Variants in TP53BP1 observed in about 807,000 individuals in gnomAD.
The protein encoded by TP53BP1 is TP53-binding protein 1.
In TP53BP1, 61 loss-of-function variants were observed where a neutral mutation model predicts 200.8. That is an observed-to-expected ratio of 0.30 (90% CI 0.25 to 0.38). The LOEUF is 0.38. TP53BP1 is among the 10% of genes least tolerant of loss of function. The probability of loss-of-function intolerance (pLI) is 1.00; values close to 1 mark genes in which losing one functional copy is unlikely to be tolerated. For missense variants in TP53BP1, 2,144 were observed against 2,371.9 expected (o/e 0.90, Z 2.00); for synonymous variants, 822 against 844.3 (o/e 0.97, Z 0.46).
rs1453446696 is a variant in TP53BP1 at position 43,409,064 on chromosome 15, C to T, written c.5433G>A (p.Ala1811=). The change falls in exon 26 of 28, where the codon GCG becomes GCA. Residue 1811 remains alanine, a synonymous_variant. Transcript: ENST00000382044. ...ACTTCCGGGTTCGACAATGCTGATC[C>T]GCAATTAGAAGACACTGGTAAGCTG... ...CNTAYQCLLI[A]DQHCRTRKYF... 6.8e-6 allele frequency: 11 copies of T among 1,614,034 alleles called. No homozygotes were observed. The highest frequency in any genetic ancestry group is 1.3e-5 in the African/African-American group (1 of 74,898).
In TP53BP1 at chr15:43,413,301, C is replaced by A; in HGVS notation, c.5123G>T (p.Cys1708Phe). The A allele has an allele frequency of 6.2e-7, 1 of 1,614,146 alleles. No individual in the cohort carries two copies. Among genetic ancestry groups the A allele is most frequent in the Non-Finnish European group, 8.5e-7 (1 of 1,180,008 alleles). ...TTCACCGGTGTTGTCTCCACTCTCA[C>A]AGGGGCTCACAAACTCTCCTGCCCC... ...AVGAGEFVSP[C>F]ESGDNTGEPS... The change falls in exon 24 of 28, where the codon TGT becomes TTT. Residue 1708 changes from cysteine (C) to phenylalanine (F), a missense_variant. By Grantham distance (205) the Cys-to-Phe change is radical. Around this residue, in one of 4 missense-constraint regions of TP53BP1, gnomAD observed 334 missense variants for 453.4 expected, o/e 0.74. Coordinates refer to ENST00000382044, the MANE Select transcript of TP53BP1 (RefSeq NM_001141980.3).
At position 43,469,999 on chromosome 15, in the gene TP53BP1, A is replaced by G; in HGVS notation, c.1248T>C (p.Ser416=). The part of the protein sequence containing the change: ...GGEPFQKKLQ[S]GEPVELENPP... ...GGTTTTCTAACTCCACTGGTTCACC[A>G]CTTTGAAGTTTCTTCTGAAAAGGCT... Residue 416 remains serine (S), a synonymous_variant, in exon 11 of 28, where the codon AGT becomes AGC. Transcript: ENST00000382044. 6.2e-7 allele frequency: 1 copy of G among 1,613,802 alleles called. No homozygotes were observed. The highest frequency in any genetic ancestry group is 8.5e-7 in the Non-Finnish European group (1 of 1,180,000).
chr15:43,482,740 C>G (rs1301113021), intron 4 of TP53BP1, among the ~76,000 whole-genome samples: 1 of 152,088 alleles, frequency 6.6e-6, no homozygotes, highest in Non-Finnish European at 1.5e-5. Flanking sequence ...TGCACTCCAG[C>G]CTGGGAGACA....
chr15:43,491,729 T>A lies in TP53BP1; in HGVS notation c.311A>T (p.Asp104Val). 6.2e-7 allele frequency: 1 copy of A among 1,614,064 alleles called. No individual in the cohort carries two copies. Among genetic ancestry groups the A allele is most frequent in the Admixed American group, 1.7e-5 (1 of 60,008 alleles). ...GACCTGACTGATGGAACCACATGTG[T>A]CCAAGTTAGAAGAATCCACAGGGTC... ...VADPVDSSNLDTCGSISQVIE... is the reference protein window; with the variant it reads ...VADPVDSSNLVTCGSISQVIE... The change falls in exon 4 of 28, where the codon GAC becomes GTC. Residue 104 changes from aspartate (D) to valine (V), a missense_variant. Coordinates refer to ENST00000382044, the MANE Select transcript of TP53BP1 (RefSeq NM_001141980.3).
chr15:43,474,557 C>A, intron 10 of TP53BP1, 116 bp downstream of exon 10: 1 of 611,178 alleles, frequency 1.6e-6, no homozygotes, highest in South Asian at 2.5e-5. Flanking sequence ...TGAGTCCTAC[C>A]GAATTGTGTA....
chr15:43,498,290 AAAAGTGGT>A (rs1396983531), intron 1 of TP53BP1, among the ~76,000 whole-genome samples: 9 of 152,234 alleles, frequency 5.9e-5, no homozygotes, highest in African/African-American at 2.2e-4. Context: ...TTACAAAGAG[AAAAGTGGT>A]AAATTTGCAG....
At chr15:43,419,492 TACG>T (rs2045344135) in intron 21 of TP53BP1, among the ~76,000 whole-genome samples, 1 of 149,194 alleles carries the variant, frequency 6.7e-6, no homozygotes, top group South Asian at 2.1e-4. Context: ...CCTGAGTAGC[TACG>T]ACAACAAGCA....
rs1595603929 is a variant in TP53BP1 at position 43,474,642 on chromosome 15, T to C, written c.1180+31A>G. 2.0e-6 allele frequency: 3 copies of C among 1,480,246 alleles called. No individual in the cohort carries two copies. The African/African-American group carries it at 4.2e-5, about 21-fold the overall frequency. The allele number at this position is 1,480,246 out of a possible 1,614,324, so 91.7% of individuals were successfully genotyped here. A position where few individuals can be genotyped will look rare whatever the true frequency, so the allele number is the denominator to read the frequency against. Reference sequence around the variant, plus strand: ...AAAAAGTGTTGCTCCTCTTCTAATCTGAGATCAACAGACAGATCAAGAGAG... The same window carrying C: ...AAAAAGTGTTGCTCCTCTTCTAATCCGAGATCAACAGACAGATCAAGAGAG... On this transcript the variant is annotated intron_variant, in intron 10 of 27. Coordinates refer to ENST00000382044, the MANE Select transcript of TP53BP1 (RefSeq NM_001141980.3).
At chr15:43,492,558 A>G (rs1370209075) in intron 1 of TP53BP1, 90 bp from the exon 2 acceptor site, 1 of 1,092,576 alleles carries the variant, frequency 9.2e-7, no homozygotes, top group Non-Finnish European at 1.3e-6. Context: ...GAAGTACAAG[A>G]GCTGGGAAAC....
chr15:43,411,453 G>A (rs1461639254), intron 24 of TP53BP1, among the ~76,000 whole-genome samples: 1 of 152,188 alleles, frequency 6.6e-6, no homozygotes, highest in Non-Finnish European at 1.5e-5. Flanking sequence ...ATATTTTACT[G>A]AGCTCCTGTT....
chr15:43,473,263 G>A (rs1414751427), intron 10 of TP53BP1, among the ~76,000 whole-genome samples: 1 of 152,164 alleles, frequency 6.6e-6, no homozygotes, highest in Non-Finnish European at 1.5e-5. Flanking sequence ...CGAGCGGGTT[G>A]CCACTGCTGG....
At chr15:43,427,673 G>A (rs955080310) in intron 18 of TP53BP1, among the ~76,000 whole-genome samples, 5 of 152,084 alleles carry the variant, frequency 3.3e-5, no homozygotes, top group African/African-American at 1.2e-4. Flanking sequence ...AAGAAATGTG[G>A]GGTCAGGGAC....
chr15:43,408,263 G>T (rs1056098427), intron 26 of TP53BP1, 175 bp from the exon 27 acceptor site: 2 of 640,876 alleles, frequency 3.1e-6, no homozygotes, highest in Middle Eastern at 8.6e-4. Flanking sequence ...GGATCTCTTG[G>T]GCCTGGGAGT....
chr15:43,506,029 G>C (rs1166732273), intron 1 of TP53BP1, among the ~76,000 whole-genome samples: 1 of 152,140 alleles, frequency 6.6e-6, no homozygotes, highest in African/African-American at 2.4e-5. Flanking sequence ...AGCAGGGCTG[G>C]AGTTCTGCCA....
chr15:43,425,075 C>G (rs1050291436), intron 18 of TP53BP1, among the ~76,000 whole-genome samples: 1 of 152,190 alleles, frequency 6.6e-6, no homozygotes, highest in African/African-American at 2.4e-5. Flanking sequence ...CCTCGGGACT[C>G]TTCAGAGTCC....
intron 11 of TP53BP1, among the ~76,000 whole-genome samples, chr15:43,461,187 T>C (rs2046419869): frequency 6.6e-6 from 1 of 151,912 alleles, no homozygotes; most frequent in Non-Finnish European, 1.5e-5. Context: ...TAGGAAACAA[T>C]ATGAAATACC....
chr15:43,469,996 A>T lies in TP53BP1; in HGVS notation c.1251T>A (p.Gly417=). 6.2e-7 allele frequency: 1 copy of T among 1,613,860 alleles called. No individual in the cohort carries two copies. Among genetic ancestry groups the T allele is most frequent in the Non-Finnish European group, 8.5e-7 (1 of 1,180,016 alleles). Residue 417 remains glycine, a synonymous_variant, in exon 11 of 28, where the codon GGT becomes GGA. Coordinates refer to ENST00000382044, the MANE Select transcript of TP53BP1 (RefSeq NM_001141980.3). ...GEPFQKKLQS[G]EPVELENPPL... The stretch of plus-strand genomic sequence containing the variant: ...GGGGGTTTTCTAACTCCACTGGTTC[A>T]CCACTTTGAAGTTTCTTCTGAAAAG...
At chr15:43,413,085 G>T in intron 24 of TP53BP1, 34 bp downstream of exon 24, 1 of 1,603,032 alleles carries the variant, frequency 6.2e-7, no homozygotes, top group Non-Finnish European at 8.5e-7. Context: ...AAGTGCCTAT[G>T]TGTCAGAGCT....
intron 10 of TP53BP1, among the ~76,000 whole-genome samples, chr15:43,473,982 C>A (rs1876682308): frequency 6.6e-6 from 1 of 152,232 alleles, no homozygotes; most frequent in Admixed American, 6.5e-5. Flanking sequence ...GTGGAAGGCT[C>A]AGGCATGGCG....
Sources: gnomAD v4.1 joint callset for allele counts (sites outside exome capture counted in the v4.1 genomes callset) on GRCh38, gnomAD v4.1.1 for gene constraint, gnomAD v4.1.1 regional missense constraint, MANE v1.5 for transcripts, NCBI Gene and HGNC (gene_info 2026-07-23, HGNC 2026-07-21) for gene names.